The following MTUS2 variants were observed in gnomAD, a reference collection of about 807,000 sequenced individuals.
The protein encoded by MTUS2 is microtubule associated scaffold protein 2, also known as microtubule-associated tumor suppressor candidate 2.
MTUS2 carries 40 observed loss-of-function variants against 114.1 expected under a neutral mutation model. That is an observed-to-expected ratio of 0.35 (90% CI 0.27 to 0.46). The LOEUF is 0.46. Ranked by LOEUF, MTUS2 falls within the 20% of genes least tolerant of loss-of-function variation. MTUS2 has a pLI of 1.00. For synonymous variants in MTUS2, 688 were observed against 672.0 expected, an observed-to-expected ratio of 1.02 and a Z score of -0.37; for missense variants, 1,679 against 1,705.4, an observed-to-expected ratio of 0.98 and a Z score of 0.27.
intron 2 of MTUS2, among the ~76,000 whole-genome samples, chr13:28,938,288 G>A (rs971366939): frequency 9.9e-5 from 15 of 151,984 alleles, no homozygotes; most frequent in East Asian, 3.9e-4. Flanking sequence ...AGGCTGAGGC[G>A]GGAGAATCAC....
In MTUS2 at chr13:29,503,761, A is replaced by C; in HGVS notation, c.*555A>C. The stretch of plus-strand genomic sequence containing the variant: ...AAAAAGGAAAAAAAAAAAGATACAG[A>C]GAAGAAGCGCCTTTCAACTCACCAC... On this transcript the variant is annotated 3_prime_UTR_variant, in exon 16 of 16. Coordinates refer to ENST00000612955, the MANE Select transcript of MTUS2 (RefSeq NM_001033602.4). 4.2e-6 allele frequency: 1 copy of C among 236,568 alleles called. No homozygotes were observed. The highest frequency in any genetic ancestry group is 8.4e-6 in the Non-Finnish European group (1 of 119,400). 14.7% of individuals were successfully genotyped at this position (236,568 alleles called of 1,614,324 possible).
intron 2 of MTUS2, among the ~76,000 whole-genome samples, chr13:28,900,208 A>G (rs1339438454): frequency 6.6e-6 from 1 of 152,196 alleles, no homozygotes; most frequent in African/African-American, 2.4e-5. Context: ...TCTTTTGGCT[A>G]AAGTTTTTCT....
intron 4 of MTUS2, among the ~76,000 whole-genome samples, chr13:29,043,606 A>C (rs1887473385): frequency 6.6e-6 from 1 of 151,608 alleles, no homozygotes; most frequent in Admixed American, 6.6e-5. Context: ...ATTATTTTAT[A>C]AATTTGGGAG....
intron 5 of MTUS2, among the ~76,000 whole-genome samples, chr13:29,189,290 TAGA>T (rs1894351223): frequency 6.6e-6 from 1 of 152,246 alleles, no homozygotes; most frequent in Non-Finnish European, 1.5e-5. Context: ...CTTCAGGGGA[TAGA>T]AAACCAAAAT....
At chr13:28,888,947 G>A (rs1878758101) in intron 2 of MTUS2, among the ~76,000 whole-genome samples, 1 of 152,170 alleles carries the variant, frequency 6.6e-6, no homozygotes, top group Non-Finnish European at 1.5e-5. Flanking sequence ...AAGATTAAAG[G>A]ATAAGAAATA....
chr13:29,367,659 G>A lies in MTUS2; in HGVS notation c.3117+8186G>A, dbSNP rs185617303. Among the ~76,000 whole-genome samples the A allele has an allele frequency of 2.0e-3, 299 of 152,298 alleles. 11 individuals carry two copies. The East Asian group carries it at 0.046, about 23-fold the overall frequency. ...GAGGGCAGATACAGAGCCTGAGGCT[G>A]TGAACCTGACAACTAAGTGGATTCA... On this transcript the variant is annotated intron_variant, in intron 8 of 15. Coordinates refer to ENST00000612955, the MANE Select transcript of MTUS2 (RefSeq NM_001033602.4).
intron 10 of MTUS2, chr13:29,483,979 C>G (rs1172789456): frequency 6.6e-6 from 1 of 152,164 alleles, no homozygotes; most frequent in South Asian, 2.1e-4. Flanking sequence ...ATGCAAAGAT[C>G]AGGCTTGTGA....
chr13:28,867,491 GT>G (rs1222337958), intron 2 of MTUS2, among the ~76,000 whole-genome samples: 1 of 152,166 alleles, frequency 6.6e-6, no homozygotes, highest in Non-Finnish European at 1.5e-5. Context: ...CTTGAGCAAA[GT>G]TTCACTGCTG....
At chr13:29,311,467 T>G (rs1260815407) in intron 6 of MTUS2, among the ~76,000 whole-genome samples, 2 of 152,228 alleles carry the variant, frequency 1.3e-5, no homozygotes, top group African/African-American at 4.8e-5. Context: ...TGAATGAATA[T>G]GTATAATTTG....
At chr13:28,869,767 C>T (rs1458771051) in intron 2 of MTUS2, among the ~76,000 whole-genome samples, 3 of 152,088 alleles carry the variant, frequency 2.0e-5, no homozygotes, top group African/African-American at 7.2e-5. Flanking sequence ...GAGACTCTGT[C>T]TCCAAAACAA....
At position 29,217,962 on chromosome 13, in the gene MTUS2, T is replaced by G. The variant is rs1022792638; in HGVS notation, c.2645-63742T>G. 6.7e-4 allele frequency among the ~76,000 whole-genome samples: 102 copies of G among 151,910 alleles called. 1 individual carries two copies. Among genetic ancestry groups the G allele is most frequent in the African/African-American group, 2.4e-3 (99 of 41,346 alleles). On this transcript the variant is annotated intron_variant, in intron 5 of 15. Coordinates refer to ENST00000612955, the MANE Select transcript of MTUS2 (RefSeq NM_001033602.4). ...ATAAGACCTGGTCTCCACAAAGAAA[T>G]TTTAAAAATTAGCTGGGCTTGGTGA... is the stretch of plus-strand genomic sequence containing the variant.
intron 1 of MTUS2, among the ~76,000 whole-genome samples, chr13:28,833,821 G>T (rs1874875265): frequency 6.6e-6 from 1 of 152,010 alleles, no homozygotes; most frequent in Non-Finnish European, 1.5e-5. Flanking sequence ...CAGACTGTGA[G>T]AACTAAAAAG....
chr13:28,834,744 A>C (rs59774611), intron 1 of MTUS2, among the ~76,000 whole-genome samples: 13,360 of 152,250 alleles, frequency 0.088, 752 homozygotes, highest in South Asian at 0.2. Flanking sequence ...CAACCCAAAT[A>C]ATGAGATTAA....
chr13:29,243,740 A>G (rs1488246435), intron 5 of MTUS2, among the ~76,000 whole-genome samples: 1 of 152,294 alleles, frequency 6.6e-6, no homozygotes. Context: ...ATATGTGAGA[A>G]CCACCTGGGC....
intron 2 of MTUS2, among the ~76,000 whole-genome samples, chr13:28,885,796 C>G (rs9551556): frequency 0.66 from 99,852 of 152,084 alleles, 35,327 homozygotes; most frequent in Non-Finnish European, 0.79. Flanking sequence ...GTTTTAGGGA[C>G]TGAGGATATA....
chr13:29,174,493 T>C (rs1330467786), intron 5 of MTUS2, among the ~76,000 whole-genome samples: 2 of 152,186 alleles, frequency 1.3e-5, no homozygotes, highest in Non-Finnish European at 2.9e-5. Flanking sequence ...AATTTGAAGG[T>C]ATATTATGCC....
At position 28,943,035 on chromosome 13, in the gene MTUS2, CAT is replaced by C. The variant is rs537123905; in HGVS notation, c.-242-81420_-242-81419del. Among the ~76,000 whole-genome samples, 4 of 152,090 alleles carry C rather than the reference CAT, an allele frequency of 2.6e-5. No homozygotes were observed. The South Asian group carries it at 8.3e-4, about 32-fold the overall frequency. On this transcript the variant is annotated intron_variant, in intron 2 of 15. Transcript: ENST00000612955. ...ATCCTTATCACAAAAAGCTTGAAAA[CAT>C]AGTTAAAAGAACACAGTCCCTCAAG...
Position 29,013,956 on chromosome 13 carries a change from A to G in MTUS2, c.-242-10501A>G, listed in dbSNP as rs1045251304. ...CTAGCTTTTATTAGTGATTAACTAT[A>G]TGTACGTCATATCATTTTCCCTCAG... On this transcript the variant is annotated intron_variant, in intron 2 of 15. Transcript: ENST00000612955. Among the ~76,000 whole-genome samples, 3 of 152,258 alleles carry G rather than the reference A, an allele frequency of 2.0e-5. No individual in the cohort carries two copies. In the South Asian group the frequency reaches 6.2e-4, roughly 31 times the overall value.
chr13:29,271,279 T>C (rs1391971228), intron 5 of MTUS2, among the ~76,000 whole-genome samples: 4 of 152,200 alleles, frequency 2.6e-5, no homozygotes, highest in Non-Finnish European at 5.9e-5. Context: ...TGAAGGTGGA[T>C]GAGTGAGAGG....
Sources: allele counts gnomAD v4.1 joint callset (sites outside exome capture counted in the v4.1 genomes callset), GRCh38; gene constraint gnomAD v4.1.1; transcripts MANE v1.5; gene names NCBI Gene and HGNC (gene_info 2026-07-23, HGNC 2026-07-21).